The following CDH13 variants were observed in gnomAD, a reference collection of about 807,000 sequenced individuals.
The protein encoded by CDH13 is cadherin 13, also known as cadherin-13.
A neutral mutation model predicts 63.8 loss-of-function variants in CDH13; 24 were observed. That is an observed-to-expected ratio of 0.38 (90% CI 0.27 to 0.53). The LOEUF is 0.53. CDH13 is among the 20% of genes least tolerant of loss of function. The pLI is 0.85. For missense variants in CDH13, 1,049 were observed against 903.1 expected (o/e 1.16, Z -2.07); for synonymous variants, 503 against 355.3 (o/e 1.42, Z -4.67).
intron 6 of CDH13, among the ~76,000 whole-genome samples, chr16:83,432,200 C>G (rs1034464458): frequency 6.6e-6 from 1 of 152,110 alleles, no homozygotes; most frequent in Non-Finnish European, 1.5e-5. Context: ...AATCTTTTAT[C>G]CACAAGGTTG....
intron 5 of CDH13, among the ~76,000 whole-genome samples, chr16:83,298,372 T>C (rs947626406): frequency 6.6e-6 from 1 of 152,154 alleles, no homozygotes; most frequent in Non-Finnish European, 1.5e-5. Context: ...GCAAGAATAA[T>C]AACTTTTGAA....
chr16:83,526,004 C>T (rs1196363743), intron 7 of CDH13, among the ~76,000 whole-genome samples: 1 of 152,146 alleles, frequency 6.6e-6, no homozygotes, highest in Non-Finnish European at 1.5e-5. Flanking sequence ...TAGATGTTAG[C>T]CCAGCATCCT....
intron 2 of CDH13, among the ~76,000 whole-genome samples, chr16:82,936,710 C>A (rs1039713620): frequency 6.6e-6 from 1 of 152,114 alleles, no homozygotes; most frequent in African/African-American, 2.4e-5. Flanking sequence ...CTACGGATGC[C>A]AATGACCAAG....
intron 8 of CDH13, among the ~76,000 whole-genome samples, chr16:83,631,047 G>T (rs190804398): frequency 1.3e-5 from 2 of 152,184 alleles, no homozygotes; most frequent in African/African-American, 2.4e-5. Flanking sequence ...CATCTCTGCC[G>T]CAGAACAGCT....
At chr16:82,976,743 G>C (rs1909566771) in intron 2 of CDH13, among the ~76,000 whole-genome samples, 1 of 152,150 alleles carries the variant, frequency 6.6e-6, no homozygotes, top group Admixed American at 6.5e-5. Context: ...CAAGCACAGT[G>C]CTGAGCACGA....
chr16:83,482,404 C>A (rs562831679), intron 6 of CDH13, among the ~76,000 whole-genome samples: 1 of 152,268 alleles, frequency 6.6e-6, no homozygotes, highest in African/African-American at 2.4e-5. Flanking sequence ...AGAGAGACAC[C>A]CTCTCTTGGA....
Position 83,077,851 on chromosome 16 carries a change from C to G in CDH13, c.366+45633C>G, listed in dbSNP as rs116232878. On this transcript the variant is annotated intron_variant, in intron 3 of 13. Transcript: ENST00000567109. Reference sequence around the variant, plus strand: ...GTGAGAGCAGTGACGGCTTTGCATCCTCACAAACATTTGCTGTTACTGATC... The same window carrying G: ...GTGAGAGCAGTGACGGCTTTGCATCGTCACAAACATTTGCTGTTACTGATC... Among the ~76,000 whole-genome samples the G allele has an allele frequency of 5.0e-3, 757 of 152,284 alleles. 4 individuals are homozygous for G. The highest frequency in any genetic ancestry group is 0.017 in the African/African-American group (727 of 41,562).
At chr16:83,092,516 A>G (rs1282990731) in intron 3 of CDH13, among the ~76,000 whole-genome samples, 3 of 152,234 alleles carry the variant, frequency 2.0e-5, no homozygotes, top group Non-Finnish European at 2.9e-5. Flanking sequence ...TTTGAGCACC[A>G]GGCTGATATA....
intron 11 of CDH13, among the ~76,000 whole-genome samples, chr16:83,749,187 C>T (rs4782555): frequency 0.027 from 4,064 of 152,258 alleles, 99 homozygotes; most frequent in East Asian, 0.14. Context: ...TTGAGTCCTT[C>T]CATATCAAGA....
intron 8 of CDH13, among the ~76,000 whole-genome samples, chr16:83,661,015 G>A (rs1030940970): frequency 6.7e-6 from 1 of 148,974 alleles, no homozygotes; most frequent in Non-Finnish European, 1.5e-5. Flanking sequence ...TTCCCCTAAG[G>A]CAATGATTTT....
chr16:82,794,904 T>G (rs1226685316), intron 1 of CDH13, among the ~76,000 whole-genome samples: 2 of 152,204 alleles, frequency 1.3e-5, no homozygotes, highest in Non-Finnish European at 2.9e-5. Context: ...GCAACTTGTT[T>G]CCAAGATTCA....
intron 5 of CDH13, among the ~76,000 whole-genome samples, chr16:83,333,380 CT>C (rs1425163247): frequency 3.3e-5 from 5 of 152,108 alleles, no homozygotes; most frequent in African/African-American, 1.2e-4. Flanking sequence ...CTGGGAATGA[CT>C]GATTTCCTTA....
chr16:83,297,397 C>T (rs1307838019), intron 5 of CDH13, among the ~76,000 whole-genome samples: 2 of 151,874 alleles, frequency 1.3e-5, no homozygotes, highest in Admixed American at 6.6e-5. Flanking sequence ...ATTAAAAAAA[C>T]AAAACTTAAA....
intron 7 of CDH13, among the ~76,000 whole-genome samples, chr16:83,570,680 T>TA (rs545752713): frequency 4.8e-5 from 7 of 144,978 alleles, no homozygotes; most frequent in African/African-American, 1.0e-4. Flanking sequence ...TTTATATATA[T>TA]AAAAAAAAAT....
intron 11 of CDH13, among the ~76,000 whole-genome samples, chr16:83,748,808 A>G (rs1198480342): frequency 6.6e-6 from 1 of 152,300 alleles, no homozygotes; most frequent in South Asian, 2.1e-4. Context: ...GCAGTAAACA[A>G]AAAGAAAGCT....
At chr16:82,646,390 G>A (rs1910095377) in intron 1 of CDH13, 1 of 152,090 alleles carries the variant, frequency 6.6e-6, no homozygotes, top group Non-Finnish European at 1.5e-5. Flanking sequence ...GATGGGGTTT[G>A]ACCATGTTGG....
At chr16:83,736,490 C>G (rs1239624611) in intron 10 of CDH13, among the ~76,000 whole-genome samples, 1 of 152,156 alleles carries the variant, frequency 6.6e-6, no homozygotes, top group Non-Finnish European at 1.5e-5. Flanking sequence ...GCTTGGCAGT[C>G]AATTTGGTCA....
intron 5 of CDH13, among the ~76,000 whole-genome samples, chr16:83,324,317 G>A (rs1404892354): frequency 2.0e-5 from 3 of 152,188 alleles, no homozygotes; most frequent in Non-Finnish European, 2.9e-5. Flanking sequence ...TTACAGGCAT[G>A]AGCCACTGCT....
intron 1 of CDH13, among the ~76,000 whole-genome samples, chr16:82,793,126 C>T (rs1034606900): frequency 1.3e-5 from 2 of 152,172 alleles, no homozygotes; most frequent in Non-Finnish European, 2.9e-5. Flanking sequence ...AACAAGTGGC[C>T]CATGAAATGG....
Sources: allele counts gnomAD v4.1 joint callset (sites outside exome capture counted in the v4.1 genomes callset), GRCh38; gene constraint gnomAD v4.1.1; transcripts MANE v1.5; gene names NCBI Gene and HGNC (gene_info 2026-07-23, HGNC 2026-07-21).